The following ANO3 variants were observed in gnomAD, a reference collection of about 807,000 sequenced individuals.
ANO3 encodes the protein anoctamin 3, also known as anoctamin-3.
In ANO3, 99 loss-of-function variants were observed where a neutral mutation model predicts 144.8. The ratio of observed to expected loss-of-function variants is 0.68; its 90% CI spans 0.58 to 0.81. The LOEUF (loss-of-function observed/expected upper bound fraction) is 0.81, where lower values mean the gene tolerates loss of function less well. Ranked by LOEUF, ANO3 falls within the 30% of genes least tolerant of loss-of-function variation. The pLI, the probability that ANO3 is intolerant of heterozygous loss-of-function variation, is 0.00. For synonymous variants in ANO3, 414 were observed against 392.6 expected, an observed-to-expected ratio of 1.05 and a Z score of -0.64; for missense variants, 905 against 1,202.2, an observed-to-expected ratio of 0.75 and a Z score of 3.66.
intron 9 of ANO3, 48 bp from the exon 10 acceptor site, chr11:26,537,358 T>C (rs889844955): frequency 1.4e-6 from 2 of 1,406,710 alleles, no homozygotes; most frequent in South Asian, 2.3e-5. Context: ...TCAGAGGAAA[T>C]GTTTCATTGA....
chr11:26,493,406 C>T (rs1317337934), intron 4 of ANO3, among the ~76,000 whole-genome samples: 1 of 152,050 alleles, frequency 6.6e-6, no homozygotes, highest in Non-Finnish European at 1.5e-5. Flanking sequence ...CCAATATTGG[C>T]TAAAAGATAA....
At chr11:26,493,681 G>C (rs1860807687) in intron 4 of ANO3, among the ~76,000 whole-genome samples, 1 of 152,106 alleles carries the variant, frequency 6.6e-6, no homozygotes, top group Admixed American at 6.5e-5. Context: ...GAATGTCACA[G>C]GCTAGTCCAG....
At chr11:26,481,697 C>T (rs569475642) in intron 4 of ANO3, among the ~76,000 whole-genome samples, 1 of 151,986 alleles carries the variant, frequency 6.6e-6, no homozygotes, top group African/African-American at 2.4e-5. Context: ...AATAAAGCAC[C>T]TCATAAAAAT....
chr11:26,288,740 G>A (rs1434324134), intron 1 of ANO3, among the ~76,000 whole-genome samples: 2 of 151,978 alleles, frequency 1.3e-5, no homozygotes, highest in Non-Finnish European at 2.9e-5. Flanking sequence ...GGAAGTGAGA[G>A]GAATATTACT....
At chr11:26,509,579 C>T (rs997743448) in intron 5 of ANO3, among the ~76,000 whole-genome samples, 5 of 152,114 alleles carry the variant, frequency 3.3e-5, no homozygotes, top group Admixed American at 1.3e-4. Context: ...CCCCAAAGTA[C>T]TGGGATAACA....
intron 1 of ANO3, among the ~76,000 whole-genome samples, chr11:26,248,833 C>T (rs1852859540): frequency 6.6e-6 from 1 of 152,108 alleles, no homozygotes; most frequent in Non-Finnish European, 1.5e-5. Flanking sequence ...AGGAGGTGAG[C>T]GGCAGATGAG....
At chr11:26,552,207 A>G (rs1321132563) in intron 12 of ANO3, among the ~76,000 whole-genome samples, 2 of 152,064 alleles carry the variant, frequency 1.3e-5, no homozygotes, top group Non-Finnish European at 1.5e-5. Flanking sequence ...TGCCCGCTGT[A>G]AAGCATCATG....
chr11:26,611,139 G>T (rs1204844046), intron 17 of ANO3, among the ~76,000 whole-genome samples: 1 of 151,638 alleles, frequency 6.6e-6, no homozygotes, highest in Non-Finnish European at 1.5e-5. Flanking sequence ...ATTTATTTCT[G>T]CTCTGAGCTT....
intron 1 of ANO3, among the ~76,000 whole-genome samples, chr11:26,313,685 C>CA (rs200323081): frequency 2.4e-4 from 35 of 143,588 alleles, no homozygotes; most frequent in East Asian, 6.0e-4. Context: ...GACTGTGTCT[C>CA]AAAAAAAAAT....
At chr11:26,273,632 G>GCACACACACACA (rs3220654) in intron 1 of ANO3, among the ~76,000 whole-genome samples, 3 of 140,186 alleles carry the variant, frequency 2.1e-5, no homozygotes, top group African/African-American at 5.3e-5. Context: ...TGTGGATATG[G>GCACACACACACA]CACACACACA....
intron 1 of ANO3, among the ~76,000 whole-genome samples, chr11:26,273,033 T>G (rs1853476857): frequency 6.6e-6 from 1 of 152,142 alleles, no homozygotes; most frequent in African/African-American, 2.4e-5. Flanking sequence ...TTGAGCGTAC[T>G]TAATGAAATA....
At chr11:26,241,975 C>A (rs997772075) in intron 1 of ANO3, among the ~76,000 whole-genome samples, 5 of 152,092 alleles carry the variant, frequency 3.3e-5, no homozygotes, top group Non-Finnish European at 5.9e-5. Flanking sequence ...AAATAGAGAG[C>A]TTTCAAGGAA....
chr11:26,584,134 TTC>T (rs1226410863), intron 14 of ANO3, among the ~76,000 whole-genome samples: 3 of 138,742 alleles, frequency 2.2e-5, no homozygotes, highest in Non-Finnish European at 4.6e-5. Context: ...CCTGGTGAGA[TTC>T]TGTCTTGTTT....
At chr11:26,337,741 C>A (rs1855230140) in intron 1 of ANO3, among the ~76,000 whole-genome samples, 1 of 152,058 alleles carries the variant, frequency 6.6e-6, no homozygotes. Context: ...TTGAGACCAG[C>A]CTGGCCAACA....
intron 1 of ANO3, among the ~76,000 whole-genome samples, chr11:26,275,658 G>A (rs1853542951): frequency 6.6e-6 from 1 of 152,088 alleles, no homozygotes; most frequent in African/African-American, 2.4e-5. Flanking sequence ...CTTTTCACCT[G>A]CGTAACTCTG....
chr11:26,469,998 A>G (rs1034119350), intron 4 of ANO3, among the ~76,000 whole-genome samples: 1 of 151,940 alleles, frequency 6.6e-6, no homozygotes, highest in Non-Finnish European at 1.5e-5. Flanking sequence ...CAATATGTAC[A>G]TTGAGCCAAA....
chr11:26,516,736 G>A, intron 5 of ANO3, 91 bp from the exon 6 acceptor site: 1 of 829,808 alleles, frequency 1.2e-6, no homozygotes, highest in East Asian at 2.6e-5. Flanking sequence ...ATAGTCAAGG[G>A]GACAATGTTC....
chr11:26,405,305 T>C (rs948389700), intron 1 of ANO3, among the ~76,000 whole-genome samples: 11 of 151,884 alleles, frequency 7.2e-5, no homozygotes, highest in Non-Finnish European at 1.2e-4. Context: ...TAGTATTTCC[T>C]AAATTTCTTG....
intron 1 of ANO3, among the ~76,000 whole-genome samples, chr11:26,333,142 C>T (rs1427233506): frequency 6.6e-6 from 1 of 152,138 alleles, no homozygotes; most frequent in African/African-American, 2.4e-5. Flanking sequence ...TACAGTTAAC[C>T]ATAGAGTGCC....
Sources: gnomAD v4.1 joint callset for allele counts (sites outside exome capture counted in the v4.1 genomes callset) on GRCh38, gnomAD v4.1.1 for gene constraint, MANE v1.5 for transcripts, NCBI Gene and HGNC (gene_info 2026-07-23, HGNC 2026-07-21) for gene names.